Variants in UNC45A observed in about 807,000 individuals in gnomAD.
UNC45A encodes the protein protein unc-45 homolog A.
Under a neutral mutation model 103.2 loss-of-function variants are expected in UNC45A, and 78 were observed. The ratio of observed to expected loss-of-function variants is 0.76; its 90% CI spans 0.63 to 0.91. The LOEUF (loss-of-function observed/expected upper bound fraction) is 0.91. UNC45A is among the 40% of genes least tolerant of loss of function. The pLI is 0.00. For missense variants in UNC45A, 1,193 were observed against 1,224.8 expected, an observed-to-expected ratio of 0.97 and a Z score of 0.39; for synonymous variants, 495 against 504.6, an observed-to-expected ratio of 0.98 and a Z score of 0.25.
chr15:90,948,445 A>T, intron 12 of UNC45A, 162 bp downstream of exon 12: 1 of 1,276,646 alleles, frequency 7.8e-7, no homozygotes, highest in Non-Finnish European at 1.1e-6. Context: ...GGCCAGCACC[A>T]GTGGTGTTAG....
chr15:90,939,595 G>T, intron 4 of UNC45A, 136 bp from the exon 5 acceptor site: 1 of 805,502 alleles, frequency 1.2e-6, no homozygotes, highest in Non-Finnish European at 2.0e-6. Context: ...CCTGCCCAGG[G>T]TAGCTAGGTG....
chr15:90,946,786 G>T lies in UNC45A; in HGVS notation c.1372G>T (p.Val458Leu). The T allele has an allele frequency of 3.1e-6, 5 of 1,614,250 alleles. No homozygotes were observed. The highest frequency in any genetic ancestry group is 2.7e-5 in the African/African-American group (2 of 75,074). Residue 458 changes from valine to leucine, a missense_variant, in exon 10 of 20, where the codon GTG becomes TTG. Coordinates refer to ENST00000418476, the MANE Select transcript of UNC45A (RefSeq NM_018671.5). ...GCAGGAGGAGGAGCAGCTGGTGGCC[G>T]TGGAGGCTCTGATCCATGCAGCCGG... ...SEQEEEQLVA[V>L]EALIHAAGKA...
At chr15:90,934,248 G>A, upstream of UNC45A, 1 of 399,212 alleles carries the variant, frequency 2.5e-6, no homozygotes, top group Non-Finnish European at 4.4e-6. Flanking sequence ...CTTCTGGTAG[G>A]GGCTGATCTC....
chr15:90,936,198 C>G, intron 3 of UNC45A, 87 bp from the exon 4 acceptor site: 1 of 1,539,988 alleles, frequency 6.5e-7, no homozygotes, highest in African/African-American at 1.4e-5. Context: ...CCACCTTCTT[C>G]TGGCCTTTCC....
chr15:90,935,984 T>C lies in UNC45A; in HGVS notation c.250+2T>C. The C allele has an allele frequency of 6.8e-6, 11 of 1,613,852 alleles. No homozygotes were observed. Among genetic ancestry groups the C allele is most frequent in the Non-Finnish European group, 7.6e-6 (9 of 1,179,964 alleles). On this transcript the variant is annotated splice_donor_variant, in intron 3 of 19. Transcript: ENST00000418476. LOFTEE classifies it high-confidence loss of function. The stretch of plus-strand genomic sequence containing the variant: ...AAGCAGAAACAGAGGCATCCAAAGG[T>C]AGGGGAATGGTGGGCCCTGGTGTGG...
intron 10 of UNC45A, chr15:90,947,194 T>C (rs959272927): frequency 7.1e-5 from 30 of 420,388 alleles, no homozygotes; most frequent in East Asian, 5.7e-4. Context: ...CTAAAATAAA[T>C]GGATGAATGA....
At chr15:90,944,582 G>T (rs2036467589) in intron 8 of UNC45A, among the ~76,000 whole-genome samples, 1 of 152,132 alleles carries the variant, frequency 6.6e-6, no homozygotes, top group Non-Finnish European at 1.5e-5. Context: ...TGTTCACAAT[G>T]GTCCTATGAG....
chr15:90,934,681 C>T, upstream of UNC45A: 1 of 398,198 alleles, frequency 2.5e-6, no homozygotes, highest in Non-Finnish European at 4.4e-6. Context: ...AACAGAAAAT[C>T]ATGTAGATCA....
chr15:90,948,115 G>T, intron 11 of UNC45A, 27 bp from the exon 12 acceptor site: 1 of 1,612,954 alleles, frequency 6.2e-7, no homozygotes, highest in Non-Finnish European at 8.5e-7. Flanking sequence ...AATCCTGAGG[G>T]TCGTCCACTA....
Position 90,953,754 on chromosome 15 carries a change from A to T in UNC45A, c.*38A>T. ...TGGGCCCAAGGCTCATGCACACGCT[A>T]CCTATTGTGGCACGGAGAGTAAGGA... is the stretch of plus-strand genomic sequence containing the variant. On this transcript the variant is annotated 3_prime_UTR_variant, in exon 20 of 20. Transcript: ENST00000418476. 1.3e-6 allele frequency: 2 copies of T among 1,599,354 alleles called. No individual in the cohort carries two copies. Among genetic ancestry groups the T allele is most frequent in the Non-Finnish European group, 1.7e-6 (2 of 1,171,230 alleles).
At position 90,935,574 on chromosome 15, in the gene UNC45A, G is replaced by T; in HGVS notation, c.82G>T (p.Gly28Cys). 1 of 1,611,712 alleles carries T rather than the reference G, an allele frequency of 6.2e-7. No individual in the cohort carries two copies. Among genetic ancestry groups the T allele is most frequent in the Non-Finnish European group, 8.5e-7 (1 of 1,178,958 alleles). ...CTCAGTGGAGCAGCTGCGGAAGGAG[G>T]GCAATGAGCTGTTCAAATGTGGAGA... ...ASSVEQLRKE[G>C]NELFKCGDYG... The change falls in exon 2 of 20, where the codon GGC becomes TGC. Residue 28 changes from glycine to cysteine, a missense_variant. Coordinates refer to ENST00000418476, the MANE Select transcript of UNC45A (RefSeq NM_018671.5).
chr15:90,949,402 G>C lies in UNC45A; in HGVS notation c.1965G>C (p.Glu655Asp), dbSNP rs1208659110. Residue 655 changes from glutamate to aspartate, a missense_variant, in exon 14 of 20, where the codon GAG (glutamate) becomes GAC (aspartate). Glu to Asp is a conservative substitution (Grantham distance 45, BLOSUM62 2). Coordinates refer to ENST00000418476, the MANE Select transcript of UNC45A (RefSeq NM_018671.5). Reference protein sequence around the residue: ...VSAMVCMVKTESPVLTSSCRE... With the variant: ...VSAMVCMVKTDSPVLTSSCRE... ...CCATGGTGTGCATGGTGAAGACGGA[G>C]AGCCCTGTGCTGACCAGTTCCTGCA... 4 of 1,613,804 alleles carry C rather than the reference G, an allele frequency of 2.5e-6. No individual in the cohort carries two copies. Among genetic ancestry groups the C allele is most frequent in the Middle Eastern group, 1.6e-4 (1 of 6,062 alleles).
At chr15:90,945,446 T>C (rs4932379) in intron 9 of UNC45A, among the ~76,000 whole-genome samples, 85,212 of 151,342 alleles carry the variant, frequency 0.56, 27,042 homozygotes, top group East Asian at 0.99. Flanking sequence ...ACCACAACCT[T>C]CGCCTCTAGG....
rs762071513 is a variant in UNC45A at position 90,948,229 on chromosome 15, G to A, written c.1683G>A (p.Lys561=). 2.5e-6 allele frequency: 4 copies of A among 1,614,166 alleles called. No individual in the cohort carries two copies. The South Asian group carries it at 4.4e-5, about 18-fold the overall frequency. Residue 561 remains lysine, a synonymous_variant, in exon 12 of 20, where the codon AAG becomes AAA. Coordinates refer to ENST00000418476, the MANE Select transcript of UNC45A (RefSeq NM_018671.5). ...LAYLTFDADV[K]EEFVEDAAAL... is the part of the protein sequence containing the mutation. Reference sequence around the variant, plus strand: ...ACCTGACCTTTGATGCCGACGTGAAGGAAGAGTTTGTGGAGGATGCGGCTG... The same window carrying A: ...ACCTGACCTTTGATGCCGACGTGAAAGAAGAGTTTGTGGAGGATGCGGCTG...
At chr15:90,946,574 G>A (rs2036578821) in intron 9 of UNC45A, 40 bp from the exon 10 acceptor site, 1 of 1,546,770 alleles carries the variant, frequency 6.5e-7, no homozygotes, top group Non-Finnish European at 8.7e-7. Flanking sequence ...GTCCCTTTAT[G>A]TTGGCCTTGG....
upstream of UNC45A, chr15:90,932,467 T>G: frequency 2.3e-6 from 3 of 1,326,566 alleles, no homozygotes; most frequent in Non-Finnish European, 1.9e-6. Flanking sequence ...CTCGGGGTCC[T>G]TCCGCCGCTG....
At chr15:90,946,989 G>A in intron 10 of UNC45A, 75 bp downstream of exon 10, 2 of 1,519,482 alleles carry the variant, frequency 1.3e-6, no homozygotes, top group South Asian at 2.5e-5. Context: ...TGCAGGGTGT[G>A]GCCCCAGCAC....
chr15:90,943,426 C>CAAAAAA (rs71154147), intron 8 of UNC45A, among the ~76,000 whole-genome samples: 2 of 74,552 alleles, frequency 2.7e-5, no homozygotes, highest in South Asian at 4.1e-4. Context: ...GAGACTGTCT[C>CAAAAAA]AAAAAAAAAA....
chr15:90,951,583 A>T (rs1342205016), intron 17 of UNC45A, among the ~76,000 whole-genome samples: 1 of 151,980 alleles, frequency 6.6e-6, no homozygotes, highest in Non-Finnish European at 1.5e-5. Context: ...GCAGTGTAGC[A>T]ATACCTCGTC....
Sources: allele counts gnomAD v4.1 joint callset (sites outside exome capture counted in the v4.1 genomes callset), GRCh38; gene constraint gnomAD v4.1.1; transcripts MANE v1.5; gene names NCBI Gene and HGNC (gene_info 2026-07-23, HGNC 2026-07-21).